LIX1: variants seen among roughly 807,000 people sequenced by gnomAD.
LIX1 encodes limb and CNS expressed 1.
In LIX1, 24 loss-of-function variants were observed where a neutral mutation model predicts 33.4. The observed-to-expected ratio is 0.72, with a 90% CI of 0.52 to 1.01. The LOEUF (loss-of-function observed/expected upper bound fraction) is 1.01. Among genes scored for constraint, LIX1 ranks in the 50% least tolerant of loss-of-function variants. The probability of loss-of-function intolerance (pLI) is 0.00; values close to 1 mark genes in which losing one functional copy is unlikely to be tolerated. For synonymous variants in LIX1, 124 were observed against 124.0 expected (o/e 1.00, Z 0.00); for missense variants, 311 against 339.2 (o/e 0.92, Z 0.65).
At chr5:97,128,823 A>G (rs979941491) in intron 1 of LIX1, among the ~76,000 whole-genome samples, 4 of 152,156 alleles carry the variant, frequency 2.6e-5, no homozygotes, top group Non-Finnish European at 5.9e-5. Context: ...TTCAGTCTAT[A>G]CTGCCATTAC....
At chr5:97,112,468 CAG>C (rs1238164642) in intron 2 of LIX1, among the ~76,000 whole-genome samples, 1 of 152,216 alleles carries the variant, frequency 6.6e-6, no homozygotes, top group Non-Finnish European at 1.5e-5. Flanking sequence ...CCAGGTTATA[CAG>C]TTCATTCTTG....
chr5:97,139,475 G>A lies in LIX1; in HGVS notation c.82+3020C>T, dbSNP rs147852338. ...TCAAACAGTGGCAAATGAATAGTAA[G>A]TTAACACACTTCTTCAAAAGAGTGG... On this transcript the variant is annotated intron_variant, in intron 1 of 5. Transcript: ENST00000274382. Among the ~76,000 whole-genome samples the A allele has an allele frequency of 7.9e-4, 121 of 152,376 alleles. 1 individual carries two copies. The highest frequency in any genetic ancestry group is 2.9e-3 in the African/African-American group (119 of 41,590).
In LIX1 at chr5:97,096,822, CTT is replaced by C. The variant is rs1249845016; in HGVS notation, c.547_548del (p.Lys183ValfsTer17). 1 of 1,613,362 alleles carries C rather than the reference CTT, an allele frequency of 6.2e-7. No homozygotes were observed. Among genetic ancestry groups the C allele is most frequent in the Non-Finnish European group, 8.5e-7 (1 of 1,179,306 alleles). On this transcript the variant is annotated frameshift_variant, in exon 5 of 6. Transcript: ENST00000274382. LOFTEE classifies it high-confidence loss of function. Reference sequence around the variant, plus strand: ...TAGAAAATCTTACCTGTCGGGAACACTTTGTTTCACGAAGGGCTTTTAGGCTT... The same window carrying C: ...TAGAAAATCTTACCTGTCGGGAACACTGTTTCACGAAGGGCTTTTAGGCTT... The part of the protein sequence containing the change: ...NGSLKALRET[K>X]CSRQEVISYY...
chr5:97,111,204 C>G (rs997954084), intron 2 of LIX1, among the ~76,000 whole-genome samples: 8 of 152,158 alleles, frequency 5.3e-5, no homozygotes, highest in African/African-American at 1.9e-4. Flanking sequence ...TCTCCCGCCT[C>G]CTGTGACCTA....
intron 2 of LIX1, among the ~76,000 whole-genome samples, chr5:97,109,295 C>T (rs1287182957): frequency 6.6e-6 from 1 of 152,154 alleles, no homozygotes; most frequent in African/African-American, 2.4e-5. Context: ...CTCCTGTCAC[C>T]CAGGCTGGAG....
At chr5:97,107,623 T>C (rs1004055240) in intron 2 of LIX1, 123 bp from the exon 3 acceptor site, 1 of 1,016,678 alleles carries the variant, frequency 9.8e-7, no homozygotes, top group African/African-American at 1.6e-5. Flanking sequence ...ATTCTGTTCA[T>C]ATACATTGCT....
Position 97,142,520 on chromosome 5 carries a change from T to G in LIX1, c.57A>C (p.Arg19Ser), listed in dbSNP as rs191202481. 18 of 1,614,096 alleles carry G rather than the reference T, an allele frequency of 1.1e-5. No individual in the cohort carries two copies. The African/African-American group carries it at 2.1e-4, about 19-fold the overall frequency. ...RHIIAQVLPH[R>S]DPALVFKDLN... ...AGTCTTTGAAGACTAGAGCCGGATCTCTGTGAGGCAAGACTTGGGCAATGA... is the reference window on the plus strand; with the variant it reads ...AGTCTTTGAAGACTAGAGCCGGATCGCTGTGAGGCAAGACTTGGGCAATGA... The change falls in exon 1 of 6, where the codon AGA becomes AGC. Residue 19 changes from arginine (R) to serine (S), a missense_variant. Physicochemically the swap from Arg to Ser is moderately radical, Grantham distance 110. Coordinates refer to ENST00000274382, the MANE Select transcript of LIX1 (RefSeq NM_153234.5).
chr5:97,107,687 G>A (rs575178189), intron 2 of LIX1, among the ~76,000 whole-genome samples, 187 bp from the exon 3 acceptor site: 2 of 152,288 alleles, frequency 1.3e-5, no homozygotes, highest in South Asian at 4.1e-4. Flanking sequence ...TCGTGCAAAT[G>A]TCTTGGTTGA....
At chr5:97,139,689 G>A (rs1748244197) in intron 1 of LIX1, among the ~76,000 whole-genome samples, 1 of 152,224 alleles carries the variant, frequency 6.6e-6, no homozygotes, top group African/African-American at 2.4e-5. Flanking sequence ...ATGCAGGGGA[G>A]AACAGTCCAG....
chr5:97,128,583 C>G (rs1342149138), intron 1 of LIX1, among the ~76,000 whole-genome samples: 1 of 152,094 alleles, frequency 6.6e-6, no homozygotes, highest in Non-Finnish European at 1.5e-5. Flanking sequence ...TGCAAAAACT[C>G]AACATATTTT....
chr5:97,097,399 T>C (rs1052963609), intron 4 of LIX1, among the ~76,000 whole-genome samples: 2 of 152,216 alleles, frequency 1.3e-5, no homozygotes, highest in South Asian at 4.1e-4. Context: ...CTATGATGTG[T>C]TAAAATAAAA....
chr5:97,124,729 C>T, intron 1 of LIX1, 100 bp from the exon 2 acceptor site: 1 of 968,158 alleles, frequency 1.0e-6, no homozygotes, highest in Non-Finnish European at 1.5e-6. Context: ...CATGACAGTT[C>T]CAGTTTAAGT....
At chr5:97,096,577 G>A (rs751321091) in intron 5 of LIX1, among the ~76,000 whole-genome samples, 1 of 152,136 alleles carries the variant, frequency 6.6e-6, no homozygotes, top group African/African-American at 2.4e-5. Flanking sequence ...GTTTGCATTC[G>A]GTACAGGTAT....
chr5:97,102,729 C>CTT (rs200978547), intron 4 of LIX1, among the ~76,000 whole-genome samples: 1 of 143,736 alleles, frequency 7.0e-6, no homozygotes, highest in South Asian at 2.2e-4. Flanking sequence ...AATTTTAAGA[C>CTT]TTTTTTTTTT....
chr5:97,103,958 C>T (rs1031850741), intron 4 of LIX1, among the ~76,000 whole-genome samples: 11 of 141,046 alleles, frequency 7.8e-5, no homozygotes, highest in East Asian at 4.0e-4. Flanking sequence ...GAGCTAGACT[C>T]CGTCTCAAAA....
At chr5:97,100,680 A>C (rs1387098707) in intron 4 of LIX1, among the ~76,000 whole-genome samples, 1 of 152,014 alleles carries the variant, frequency 6.6e-6, no homozygotes, top group African/African-American at 2.4e-5. Flanking sequence ...AGTGGGAAGG[A>C]GAGGGCTGCT....
At chr5:97,122,950 A>G (rs1747820743) in intron 2 of LIX1, among the ~76,000 whole-genome samples, 1 of 152,192 alleles carries the variant, frequency 6.6e-6, no homozygotes, top group Non-Finnish European at 1.5e-5. Flanking sequence ...AGGATTTCAC[A>G]TTCATCACAG....
intron 4 of LIX1, chr5:97,103,196 A>G: frequency 2.5e-6 from 1 of 395,264 alleles, no homozygotes; most frequent in Non-Finnish European, 4.9e-6. Context: ...TGAAAAAAAA[A>G]GGACCTTTTA....
chr5:97,119,732 CTAT>C, intron 2 of LIX1, among the ~76,000 whole-genome samples: 1 of 151,972 alleles, frequency 6.6e-6, no homozygotes, highest in African/African-American at 2.4e-5. Flanking sequence ...ATTTTGTTTC[CTAT>C]TTCTTTTCTT....
Sources: allele counts gnomAD v4.1 joint callset (sites outside exome capture counted in the v4.1 genomes callset), GRCh38; gene constraint gnomAD v4.1.1; transcripts MANE v1.5; gene names NCBI Gene and HGNC (gene_info 2026-07-23, HGNC 2026-07-21).